Variants in CACNA2D3 observed in about 807,000 individuals in gnomAD.
The protein encoded by CACNA2D3 is voltage-dependent calcium channel subunit alpha-2/delta-3.
CACNA2D3 carries 60 observed loss-of-function variants against 160.6 expected under a neutral mutation model. That is an observed-to-expected ratio of 0.37 (90% CI 0.30 to 0.46). The LOEUF is 0.46. Among genes scored for constraint, CACNA2D3 ranks in the 20% least tolerant of loss-of-function variants. The probability of loss-of-function intolerance (pLI) is 1.00; values close to 1 mark genes in which losing one functional copy is unlikely to be tolerated. For missense variants in CACNA2D3, 1,205 were observed against 1,365.0 expected (o/e 0.88, Z 1.85); for synonymous variants, 558 against 492.9 (o/e 1.13, Z -1.75).
rs35135959 is a variant in CACNA2D3 at position 54,501,406 on chromosome 3, ATT to A, written c.382-2072_382-2071del. Among the ~76,000 whole-genome samples, 131 of 137,464 alleles carry A rather than the reference ATT, an allele frequency of 9.5e-4. 1 individual carries two copies. Among genetic ancestry groups the A allele is most frequent in the East Asian group, 4.5e-3 (21 of 4,700 alleles). The allele number at this position is 137,464 out of a possible 152,430, so 90.2% of individuals were successfully genotyped here. On this transcript the variant is annotated intron_variant, in intron 4 of 37. Transcript: ENST00000474759. The stretch of plus-strand genomic sequence containing the variant: ...CTTCATTTATTCTTGCTCTAACACT[ATT>A]TTTTTTTTTTTTTGGTAAGACAGGG...
At chr3:54,637,528 G>C (rs1247611727) in intron 10 of CACNA2D3, among the ~76,000 whole-genome samples, 4 of 151,948 alleles carry the variant, frequency 2.6e-5, no homozygotes, top group Non-Finnish European at 1.5e-5. Flanking sequence ...GTCTAAGTTG[G>C]CACCAGAGTT....
At chr3:54,731,501 A>G (rs183418540) in intron 11 of CACNA2D3, among the ~76,000 whole-genome samples, 143 of 152,290 alleles carry the variant, frequency 9.4e-4, no homozygotes, top group African/African-American at 3.1e-3. Context: ...TTTCCAGGTC[A>G]CAGTTATTTA....
At chr3:54,766,281 G>A (rs2107103141) in intron 13 of CACNA2D3, among the ~76,000 whole-genome samples, 1 of 152,126 alleles carries the variant, frequency 6.6e-6, no homozygotes, top group East Asian at 1.9e-4. Flanking sequence ...TTAAAATTGA[G>A]GAGAAACTCC....
intron 14 of CACNA2D3, among the ~76,000 whole-genome samples, chr3:54,819,288 C>T (rs1024855114): frequency 6.6e-6 from 1 of 152,182 alleles, no homozygotes; most frequent in African/African-American, 2.4e-5. Flanking sequence ...AACTAACTTT[C>T]CACTTTTGTT....
At chr3:54,763,895 G>GTA (rs1702166340) in intron 12 of CACNA2D3, among the ~76,000 whole-genome samples, 1 of 2,546 alleles carries the variant, frequency 3.9e-4, no homozygotes, top group African/African-American at 1.1e-3. Flanking sequence ...ATATATGTAT[G>GTA]TGGGGGGGGG....
At chr3:54,369,645 C>G (rs1698888655) in intron 3 of CACNA2D3, among the ~76,000 whole-genome samples, 1 of 152,198 alleles carries the variant, frequency 6.6e-6, no homozygotes, top group African/African-American at 2.4e-5. Flanking sequence ...GGTGTGCCCT[C>G]CATTCCCCAA....
At chr3:54,165,669 G>A (rs1051325655) in intron 2 of CACNA2D3, among the ~76,000 whole-genome samples, 3 of 151,192 alleles carry the variant, frequency 2.0e-5, no homozygotes, top group South Asian at 2.1e-4. Flanking sequence ...CAGCTACTCC[G>A]GAGGCTGAGG....
intron 2 of CACNA2D3, among the ~76,000 whole-genome samples, chr3:54,162,293 G>C: frequency 6.6e-6 from 1 of 152,146 alleles, no homozygotes; most frequent in East Asian, 1.9e-4. Context: ...GGGGTGGCCT[G>C]TGTCTGCTGG....
intron 4 of CACNA2D3, among the ~76,000 whole-genome samples, chr3:54,443,964 A>G (rs755145804): frequency 6.6e-6 from 1 of 152,132 alleles, no homozygotes; most frequent in Admixed American, 6.6e-5. Flanking sequence ...GGACTTCCTC[A>G]TTGTGTTGCT....
In CACNA2D3 at chr3:54,541,297, A is replaced by G. The variant is rs201035176; in HGVS notation, c.545-21503A>G. ...GTCTCAGAAAAAAAAAAAAAAAAAA[A>G]AAAAGAAAAGAAAAGAAAAGGAGAA... On this transcript the variant is annotated intron_variant, in intron 5 of 37. Coordinates refer to ENST00000474759, the MANE Select transcript of CACNA2D3 (RefSeq NM_018398.3). Among the ~76,000 whole-genome samples, 435 of 127,240 alleles carry G rather than the reference A, an allele frequency of 3.4e-3. 6 individuals carry two copies. The East Asian group carries it at 0.051, about 15-fold the overall frequency. The allele number at this position is 127,240 out of a possible 152,430, so 83.5% of individuals were successfully genotyped here. A position where few individuals can be genotyped will look rare whatever the true frequency, so the allele number is the denominator to read the frequency against.
intron 34 of CACNA2D3, among the ~76,000 whole-genome samples, chr3:55,009,776 C>G (rs1703171542): frequency 6.6e-6 from 1 of 152,204 alleles, no homozygotes. Flanking sequence ...CTGCCTGTGT[C>G]TCAGGCTAAA....
intron 2 of CACNA2D3, among the ~76,000 whole-genome samples, chr3:54,220,568 CAGCAGCCTCTTCCAGGCTG>C (rs1355921701): frequency 1.3e-5 from 2 of 152,102 alleles, no homozygotes; most frequent in African/African-American, 4.8e-5. Context: ...CCCACCATCC[CAGCAGCCTCTTCCAGGCTG>C]GGCAGCCTGG....
intron 11 of CACNA2D3, among the ~76,000 whole-genome samples, chr3:54,698,308 T>G (rs1025789822): frequency 6.6e-6 from 1 of 152,190 alleles, no homozygotes; most frequent in Non-Finnish European, 1.5e-5. Flanking sequence ...ACAGGGATGA[T>G]GTTGTTTATT....
intron 2 of CACNA2D3, among the ~76,000 whole-genome samples, chr3:54,133,164 G>GTAA (rs533344524): frequency 1.9e-3 from 286 of 152,186 alleles, no homozygotes; most frequent in Admixed American, 4.1e-3. Flanking sequence ...GTTTTCGGCA[G>GTAA]TAATAATAAT....
intron 27 of CACNA2D3, among the ~76,000 whole-genome samples, chr3:54,915,550 G>A (rs1044668062): frequency 6.6e-5 from 10 of 152,256 alleles, no homozygotes; most frequent in East Asian, 1.9e-4. Context: ...TCTATGAGGC[G>A]TTTGCAAATT....
At chr3:54,974,458 T>G (rs11130443) in intron 29 of CACNA2D3, among the ~76,000 whole-genome samples, 55,044 of 152,160 alleles carry the variant, frequency 0.36, 12,330 homozygotes, top group South Asian at 0.53. Context: ...GTCTTAGCCT[T>G]TGGGCTAGTA....
chr3:55,001,449 T>C (rs147586443), intron 31 of CACNA2D3, among the ~76,000 whole-genome samples: 27 of 152,324 alleles, frequency 1.8e-4, no homozygotes, highest in African/African-American at 5.8e-4. Flanking sequence ...GCAGGCACTG[T>C]GCTGAATGCA....
chr3:54,158,178 G>A lies in CACNA2D3; in HGVS notation c.204+34584G>A, dbSNP rs562742906. 6.6e-4 allele frequency among the ~76,000 whole-genome samples: 101 copies of A among 152,286 alleles called. 1 individual carries two copies. The highest frequency in any genetic ancestry group is 1.9e-3 in the South Asian group (9 of 4,818). Reference sequence around the variant, plus strand: ...GAGCCCCTGGCCCTGTATTTCTGTGGCATTTTATTTGGCCTCTCTAGGGGG... The same window carrying A: ...GAGCCCCTGGCCCTGTATTTCTGTGACATTTTATTTGGCCTCTCTAGGGGG... On this transcript the variant is annotated intron_variant, in intron 2 of 37. Coordinates refer to ENST00000474759, the MANE Select transcript of CACNA2D3 (RefSeq NM_018398.3).
Position 54,838,611 on chromosome 3 carries a change from C to T in CACNA2D3, c.1514C>T (p.Pro505Leu). The change falls in exon 16 of 38, where the codon CCA (proline) becomes CTA (leucine). Residue 505 changes from proline (P) to leucine (L), a missense_variant. Transcript: ENST00000474759. ...ILLGVVGTDV[P>L]VKELLKTIPK... Reference sequence around the variant, plus strand: ...CTGGGAGTGGTTGGCACAGATGTCCCAGTGAAAGAACTTCTGAAGACCATC... The same window carrying T: ...CTGGGAGTGGTTGGCACAGATGTCCTAGTGAAAGAACTTCTGAAGACCATC... 1.9e-6 allele frequency: 3 copies of T among 1,613,630 alleles called. No individual in the cohort carries two copies. Among genetic ancestry groups the T allele is most frequent in the Non-Finnish European group, 2.5e-6 (3 of 1,179,576 alleles).
Sources: gnomAD v4.1 joint callset for allele counts (sites outside exome capture counted in the v4.1 genomes callset) on GRCh38, gnomAD v4.1.1 for gene constraint, MANE v1.5 for transcripts, NCBI Gene and HGNC (gene_info 2026-07-23, HGNC 2026-07-21) for gene names.